The following CCNI variants were observed in gnomAD, a reference collection of about 807,000 sequenced individuals.
The protein encoded by CCNI is cyclin-I.
In CCNI, 14 loss-of-function variants were observed where a neutral mutation model predicts 34.1. The observed-to-expected ratio is 0.41, with a 90% CI of 0.27 to 0.64. The LOEUF (loss-of-function observed/expected upper bound fraction) is 0.64, where lower values mean the gene tolerates loss of function less well. Ranked by LOEUF, CCNI falls within the 30% of genes least tolerant of loss-of-function variation. The probability of loss-of-function intolerance (pLI) is 0.31; values close to 1 mark genes in which losing one functional copy is unlikely to be tolerated. For synonymous variants in CCNI, 154 were observed against 158.4 expected, an observed-to-expected ratio of 0.97 and a Z score of 0.21; for missense variants, 385 against 440.5, an observed-to-expected ratio of 0.87 and a Z score of 1.13.
rs1005751975 is a variant in CCNI, at chr4:77,075,984, A to T, written c.-556T>A. Reference sequence around the variant, plus strand: ...CGTCCGCTCGCGGGGAAGGCTGGGGAGGGAGGGGAAGAGAGGGGAAGGGAG... The same window carrying T: ...CGTCCGCTCGCGGGGAAGGCTGGGGTGGGAGGGGAAGAGAGGGGAAGGGAG... On this transcript the variant is annotated 5_prime_UTR_variant, in exon 1 of 7. Coordinates refer to ENST00000237654, the MANE Select transcript of CCNI (RefSeq NM_006835.3). The T allele has an allele frequency of 1.3e-5, 2 of 149,728 alleles. No individual in the cohort carries two copies. The highest frequency in any genetic ancestry group is 3.0e-5 in the Non-Finnish European group (2 of 67,272). 9.3% of individuals were successfully genotyped at this position (149,728 alleles called of 1,614,324 possible). A position where few individuals can be genotyped will look rare whatever the true frequency, so the allele number is the denominator to read the frequency against.
At chr4:77,051,701 T>C (rs1275091882) in intron 6 of CCNI, among the ~76,000 whole-genome samples, 5 of 152,226 alleles carry the variant, frequency 3.3e-5, no homozygotes, top group African/African-American at 9.6e-5. Flanking sequence ...GCACATATAC[T>C]GGAACTACCA....
Position 77,048,338 on chromosome 4 carries a change from G to A in CCNI, c.1015C>T (p.Arg339Trp), listed in dbSNP as rs1478797228. Reference sequence around the variant, plus strand: ...GAGACATTATCTTCATTATAGAGCCGTTTGATTCCATCATAGAAGTCATCC... The same window carrying A: ...GAGACATTATCTTCATTATAGAGCCATTTGATTCCATCATAGAAGTCATCC... ...EVDDFYDGIK[R>W]LYNEDNVSEN... The change falls in exon 7 of 7, where the codon CGG becomes TGG. Residue 339 changes from arginine (R) to tryptophan (W), a missense_variant. Physicochemically the swap from Arg to Trp is moderately radical, Grantham distance 101 (BLOSUM62 -3). This residue lies in a region of CCNI where 250 missense variants were observed against 248.7 expected (regional missense o/e 1.01). Transcript: ENST00000237654. 10 of 1,614,028 alleles carry A rather than the reference G, an allele frequency of 6.2e-6. No individual in the cohort carries two copies. The highest frequency in any genetic ancestry group is 1.7e-5 in the Admixed American group (1 of 60,004).
At chr4:77,061,148 A>AC (rs1481572043) in intron 2 of CCNI, among the ~76,000 whole-genome samples, 1 of 152,188 alleles carries the variant, frequency 6.6e-6, no homozygotes, top group Non-Finnish European at 1.5e-5. Context: ...ACCAGCAATA[A>AC]TTTTTTTAAA....
chr4:77,072,209 C>A (rs1729516498), intron 1 of CCNI, among the ~76,000 whole-genome samples: 1 of 151,914 alleles, frequency 6.6e-6, no homozygotes, highest in African/African-American at 2.4e-5. Context: ...TTTTAAGATT[C>A]AGAAATCAAC....
intron 1 of CCNI, among the ~76,000 whole-genome samples, chr4:77,067,569 C>A (rs1729124031): frequency 6.6e-6 from 1 of 151,980 alleles, no homozygotes; most frequent in East Asian, 1.9e-4. Context: ...TGGCTCACTG[C>A]AGCCTCGAAC....
rs779268588 is a variant in CCNI at position 77,048,298 on chromosome 4, G to C, written c.1055C>G (p.Ser352Cys). The C allele has an allele frequency of 2.0e-5, 33 of 1,613,994 alleles. No homozygotes were observed. The highest frequency in any genetic ancestry group is 2.6e-5 in the Non-Finnish European group (31 of 1,180,006). The part of the protein sequence containing the change: ...NEDNVSENVG[S>C]VCGTDLSRQE... ...TCTTGATAAATCAGTGCCACACACA[G>C]AACCCACATTTTCTGAGACATTATC... The change falls in exon 7 of 7, where the codon TCT becomes TGT. Residue 352 changes from serine (S) to cysteine (C), a missense_variant. Physicochemically the swap from Ser to Cys is moderately radical, Grantham distance 112 (BLOSUM62 -1). Transcript: ENST00000237654.
Position 77,048,164 on chromosome 4 carries a change from C to G in CCNI, c.*55G>C. The G allele has an allele frequency of 7.2e-7, 1 of 1,395,992 alleles. No individual in the cohort carries two copies. Among genetic ancestry groups the G allele is most frequent in the Non-Finnish European group, 9.9e-7 (1 of 1,009,500 alleles). 86.5% of individuals were successfully genotyped at this position (1,395,992 alleles called of 1,614,324 possible). ...ACAGCCTTTCCTGATTTTGCATGTT[C>G]TCATTCCCAAAGTAGTCTACCTTAG... On this transcript the variant is annotated 3_prime_UTR_variant, in exon 7 of 7. Coordinates refer to ENST00000237654, the MANE Select transcript of CCNI (RefSeq NM_006835.3).
At chr4:77,068,189 C>A (rs1488052164) in intron 1 of CCNI, among the ~76,000 whole-genome samples, 6 of 151,844 alleles carry the variant, frequency 4.0e-5, no homozygotes, top group Non-Finnish European at 7.4e-5. Context: ...AACAAACAAA[C>A]AAACAAACAA....
chr4:77,075,548 G>C lies in CCNI; in HGVS notation c.-120C>G. 2 of 988,622 alleles carry C rather than the reference G, an allele frequency of 2.0e-6. No individual in the cohort carries two copies. Among genetic ancestry groups the C allele is most frequent in the Non-Finnish European group, 2.4e-6 (2 of 830,742 alleles). The allele number at this position is 988,622 out of a possible 1,614,324, so 61.2% of individuals were successfully genotyped here. On this transcript the variant is annotated 5_prime_UTR_variant, in exon 1 of 7. Transcript: ENST00000237654. Reference sequence around the variant, plus strand: ...ACAGTGGTGACGCGGGGTCATCCGGGGGCCCGTTACCACCTCATTCTCATA... The same window carrying C: ...ACAGTGGTGACGCGGGGTCATCCGGCGGCCCGTTACCACCTCATTCTCATA...
At position 77,056,328 on chromosome 4, in the gene CCNI, A is replaced by C. The variant is rs772332215; in HGVS notation, c.244-5T>G. The C allele has an allele frequency of 1.9e-6, 3 of 1,610,050 alleles. No homozygotes were observed. Among genetic ancestry groups the C allele is most frequent in the Non-Finnish European group, 2.5e-6 (3 of 1,176,822 alleles). ...ACTCAAGTATTTTGGATGAGCCTAA[A>C]ATTTTGAAGAGGGAAAAAGCAACTT... On this transcript the variant is annotated splice_polypyrimidine_tract_variant and splice_region_variant and intron_variant, in intron 3 of 6. Coordinates refer to ENST00000237654, the MANE Select transcript of CCNI (RefSeq NM_006835.3).
chr4:77,057,057 T>TA (rs1170763730), intron 3 of CCNI, among the ~76,000 whole-genome samples: 3 of 152,300 alleles, frequency 2.0e-5, no homozygotes, highest in East Asian at 3.9e-4. Context: ...TTCCCAAAAT[T>TA]AAAAAATTTT....
At position 77,048,086 on chromosome 4, in the gene CCNI, A is replaced by ATTTT; in HGVS notation, c.*129_*132dup. The ATTTT allele has an allele frequency of 1.9e-6, 1 of 522,162 alleles. No individual in the cohort carries two copies. The highest frequency in any genetic ancestry group is 3.3e-6 in the Non-Finnish European group (1 of 304,392). 32.3% of individuals were successfully genotyped at this position (522,162 alleles called of 1,614,324 possible). On this transcript the variant is annotated 3_prime_UTR_variant, in exon 7 of 7. Transcript: ENST00000237654. ...TAGCCACACAAATAATGAGAGTTTT[A>ATTTT]TTTTTTTTTTCTGGCTCACTCCAAA...
At chr4:77,059,363 G>A (rs199518016) in intron 2 of CCNI, among the ~76,000 whole-genome samples, 1 of 149,832 alleles carries the variant, frequency 6.7e-6, no homozygotes, top group African/African-American at 2.5e-5. Context: ...AAAACCGGTT[G>A]TTTATTTTGG....
At chr4:77,075,002 G>T (rs1169415309) in intron 1 of CCNI, 1 of 31,072 alleles carries the variant, frequency 3.2e-5, no homozygotes, top group East Asian at 9.3e-4. Flanking sequence ...GCCCTCCCCC[G>T]AATTTCACAG....
rs1425420257 is a variant in CCNI, at chr4:77,075,468, T to C, written c.-44+4A>G. ...GAGCCCCCGCCCCCGCCCCCGCCCC[T>C]CACCTTCTCCTCCTCTTCCTCCTCC... On this transcript the variant is annotated splice_donor_region_variant and intron_variant, in intron 1 of 6. Transcript: ENST00000237654. 9.2e-5 allele frequency: 30 copies of C among 327,140 alleles called. No homozygotes were observed. The highest frequency in any genetic ancestry group is 3.8e-4 in the East Asian group (2 of 5,294). 20.3% of individuals were successfully genotyped at this position (327,140 alleles called of 1,614,324 possible).
At chr4:77,055,464 CTTTTTT>C in intron 5 of CCNI, 84 bp from the exon 6 acceptor site, 1 of 673,120 alleles carries the variant, frequency 1.5e-6, no homozygotes, top group East Asian at 3.0e-5. Context: ...TATTCAATTT[CTTTTTT>C]TTTTTTTTTT....
rs898654243 is a variant in CCNI, at chr4:77,072,583, G to C, written c.-44+2889C>G. 6.9e-5 allele frequency among the ~76,000 whole-genome samples: 10 copies of C among 145,004 alleles called. No homozygotes were observed. The East Asian group carries it at 1.0e-3, about 15-fold the overall frequency. Reference sequence around the variant, plus strand: ...GCCCAGGAGCTTGAGGCTGCAGTCAGCTATGATTACAGCACCTCACTCCAG... The same window carrying C: ...GCCCAGGAGCTTGAGGCTGCAGTCACCTATGATTACAGCACCTCACTCCAG... On this transcript the variant is annotated intron_variant, in intron 1 of 6. Coordinates refer to ENST00000237654, the MANE Select transcript of CCNI (RefSeq NM_006835.3).
chr4:77,052,395 T>C (rs1335219453), intron 6 of CCNI, among the ~76,000 whole-genome samples: 2 of 152,266 alleles, frequency 1.3e-5, no homozygotes, highest in East Asian at 3.9e-4. Flanking sequence ...CTAATCTAGG[T>C]AGAGTTAACA....
At chr4:77,055,528 T>C in intron 5 of CCNI, 148 bp from the exon 6 acceptor site, 2 of 614,556 alleles carry the variant, frequency 3.3e-6, no homozygotes, top group Non-Finnish European at 5.7e-6. Context: ...AGTAGCATGA[T>C]CTCAACTCAC....
Sources: allele counts gnomAD v4.1 joint callset (sites outside exome capture counted in the v4.1 genomes callset), GRCh38; gene constraint gnomAD v4.1.1; regional missense constraint gnomAD v4.1.1; transcripts MANE v1.5; gene names NCBI Gene and HGNC (gene_info 2026-07-23, HGNC 2026-07-21).